LRP1B: variants seen among roughly 807,000 people sequenced by gnomAD.
LRP1B encodes LDL receptor related protein 1B.
LRP1B carries 217 observed loss-of-function variants against 556.6 expected under a neutral mutation model. That is an observed-to-expected ratio of 0.39 (90% CI 0.35 to 0.44). The LOEUF (loss-of-function observed/expected upper bound fraction) is 0.44, where lower values mean the gene tolerates loss of function less well. Ranked by LOEUF, LRP1B falls within the 20% of genes least tolerant of loss-of-function variation. LRP1B has a pLI of 1.00. For missense variants in LRP1B, 5,053 were observed against 5,620.8 expected, an observed-to-expected ratio of 0.90 and a Z score of 3.23; for synonymous variants, 2,047 against 1,865.8, an observed-to-expected ratio of 1.10 and a Z score of -2.50.
chr2:141,344,609 C>T (rs1279392714), intron 3 of LRP1B, among the ~76,000 whole-genome samples: 4 of 152,046 alleles, frequency 2.6e-5, no homozygotes, highest in Non-Finnish European at 4.4e-5. Context: ...CTTCTCAGCA[C>T]GTATTCTCAT....
chr2:141,241,428 G>A (rs962904), intron 5 of LRP1B, among the ~76,000 whole-genome samples: 89,532 of 151,696 alleles, frequency 0.59, 26,776 homozygotes, highest in East Asian at 0.66. Context: ...GTTTATTTGA[G>A]AGGGGAGTGG....
At chr2:141,034,515 A>C (rs2105420484) in intron 11 of LRP1B, among the ~76,000 whole-genome samples, 2 of 152,276 alleles carry the variant, frequency 1.3e-5, no homozygotes, top group South Asian at 4.1e-4. Context: ...ATTTACAAGA[A>C]AAAAACAAAC....
At chr2:142,101,672 C>T (rs546717092) in intron 1 of LRP1B, among the ~76,000 whole-genome samples, 1 of 152,038 alleles carries the variant, frequency 6.6e-6, no homozygotes, top group Non-Finnish European at 1.5e-5. Context: ...CACAACCTAT[C>T]ACTTAAAAAA....
intron 3 of LRP1B, among the ~76,000 whole-genome samples, chr2:141,276,884 C>T (rs1685319224): frequency 6.6e-6 from 1 of 152,120 alleles, no homozygotes; most frequent in Non-Finnish European, 1.5e-5. Context: ...TCTTGATCTC[C>T]TGACCTCGTG....
At chr2:141,089,887 A>G (rs1234482632) in intron 7 of LRP1B, among the ~76,000 whole-genome samples, 1 of 152,246 alleles carries the variant, frequency 6.6e-6, no homozygotes, top group Non-Finnish European at 1.5e-5. Flanking sequence ...CAAAGAAGTG[A>G]TAACAGCAAA....
intron 2 of LRP1B, among the ~76,000 whole-genome samples, chr2:141,672,588 CA>C (rs1690713612): frequency 6.6e-6 from 1 of 151,918 alleles, no homozygotes; most frequent in Admixed American, 6.6e-5. Flanking sequence ...TTTGCAAAAA[CA>C]TTGTGAGTCA....
At chr2:141,544,340 C>CCTCTTCTTCTTCTTCTTCTTCTT (rs1685436637) in intron 2 of LRP1B, among the ~76,000 whole-genome samples, 9 of 73,228 alleles carry the variant, frequency 1.2e-4, no homozygotes, top group African/African-American at 4.9e-4. Flanking sequence ...TCTTCTTCTT[C>CCTCTTCTTCTTCTTCTTCTTCTT]TTCTTCTTCT....
intron 2 of LRP1B, among the ~76,000 whole-genome samples, chr2:141,648,585 C>A (rs1689669857): frequency 6.6e-6 from 1 of 152,144 alleles, no homozygotes; most frequent in African/African-American, 2.4e-5. Flanking sequence ...CTGTGAGTTT[C>A]TTGAGGTCAG....
intron 1 of LRP1B, among the ~76,000 whole-genome samples, chr2:142,108,844 T>C (rs1354920537): frequency 1.3e-5 from 2 of 152,162 alleles, no homozygotes; most frequent in Non-Finnish European, 2.9e-5. Context: ...GACAAAAGAA[T>C]CCTATAGATA....
At chr2:141,672,010 T>C (rs1369725120) in intron 2 of LRP1B, among the ~76,000 whole-genome samples, 1 of 152,074 alleles carries the variant, frequency 6.6e-6, no homozygotes, top group Non-Finnish European at 1.5e-5. Flanking sequence ...TAGGAAAATA[T>C]GTTGATATAA....
rs576874023 is a variant in LRP1B at position 141,803,664 on chromosome 2, CG to C, written c.205+6614del. ...TCTAAATCACCATTACTTAGAAACA[CG>C]GACCATACTTCTATCTGTTTTATAG... On this transcript the variant is annotated intron_variant, in intron 2 of 90. Coordinates refer to ENST00000389484, the MANE Select transcript of LRP1B (RefSeq NM_018557.3). 2.6e-4 allele frequency among the ~76,000 whole-genome samples: 39 copies of C among 152,150 alleles called. No individual in the cohort carries two copies. The South Asian group carries it at 8.1e-3, about 32-fold the overall frequency.
intron 35 of LRP1B, among the ~76,000 whole-genome samples, chr2:140,747,021 C>G (rs1267172753): frequency 2.0e-5 from 3 of 152,056 alleles, no homozygotes; most frequent in Admixed American, 6.6e-5. Context: ...TACATGTAGT[C>G]TAAACTAGTT....
chr2:140,504,259 T>A (rs1689314356), intron 53 of LRP1B, among the ~76,000 whole-genome samples: 1 of 152,132 alleles, frequency 6.6e-6, no homozygotes, highest in Admixed American at 6.5e-5. Context: ...GTCCTCCTAT[T>A]TACTTCACCT....
At chr2:142,069,832 T>G (rs920258197) in intron 1 of LRP1B, among the ~76,000 whole-genome samples, 1 of 122,748 alleles carries the variant, frequency 8.1e-6, no homozygotes, top group Non-Finnish European at 1.9e-5. Context: ...GATTAGTATT[T>G]TTGCAATCAT....
intron 1 of LRP1B, among the ~76,000 whole-genome samples, chr2:142,091,199 C>A (rs559522666): frequency 3.3e-5 from 5 of 152,076 alleles, no homozygotes; most frequent in Admixed American, 2.0e-4. Flanking sequence ...TCTACAACTT[C>A]TATTTTCAGA....
chr2:141,944,087 G>A (rs982943300), intron 1 of LRP1B, among the ~76,000 whole-genome samples: 4 of 152,048 alleles, frequency 2.6e-5, no homozygotes, highest in Non-Finnish European at 5.9e-5. Flanking sequence ...AGGTTCTCCG[G>A]GGACCCGTTT....
chr2:140,744,171 T>C (rs557146184), intron 35 of LRP1B, among the ~76,000 whole-genome samples: 5 of 152,172 alleles, frequency 3.3e-5, no homozygotes, highest in South Asian at 2.1e-4. Context: ...GTTATCATTA[T>C]ACAAAACATA....
chr2:141,038,601 C>A (rs1346662498), intron 11 of LRP1B, among the ~76,000 whole-genome samples: 1 of 152,082 alleles, frequency 6.6e-6, no homozygotes, highest in Non-Finnish European at 1.5e-5. Context: ...GGAGTTTTCT[C>A]AGCATGTATT....
At chr2:140,845,880 A>T (rs995807452) in intron 29 of LRP1B, among the ~76,000 whole-genome samples, 4 of 152,210 alleles carry the variant, frequency 2.6e-5, no homozygotes, top group African/African-American at 7.2e-5. Context: ...AGGCAGAATG[A>T]ATAGTCCAAC....
Sources: allele counts gnomAD v4.1 joint callset (sites outside exome capture counted in the v4.1 genomes callset), GRCh38; gene constraint gnomAD v4.1.1; transcripts MANE v1.5; gene names NCBI Gene and HGNC (gene_info 2026-07-23, HGNC 2026-07-21).